CFAP54: variants seen among roughly 807,000 people sequenced by gnomAD.
CFAP54 encodes cilia- and flagella-associated protein 54.
Under a neutral mutation model 370.4 loss-of-function variants are expected in CFAP54, and 290 were observed. The ratio of observed to expected loss-of-function variants is 0.78; its 90% CI spans 0.71 to 0.86. CFAP54 has a LOEUF of 0.86. Among genes scored for constraint, CFAP54 ranks in the 40% least tolerant of loss-of-function variants. CFAP54 has a pLI of 0.00. For missense variants in CFAP54, 3,399 were observed against 3,528.7 expected (o/e 0.96, Z 0.93); for synonymous variants, 1,206 against 1,236.5 (o/e 0.98, Z 0.52).
At chr12:96,703,964 TGGG>T (rs974917143) in intron 46 of CFAP54, among the ~76,000 whole-genome samples, 7 of 152,182 alleles carry the variant, frequency 4.6e-5, no homozygotes, top group African/African-American at 1.7e-4. Flanking sequence ...GGGATAATGA[TGGG>T]GAAGTGGCTC....
intron 35 of CFAP54, 85 bp from the exon 36 acceptor site, chr12:96,651,503 C>T (rs1305169548): frequency 9.4e-7 from 1 of 1,069,070 alleles, no homozygotes; most frequent in Non-Finnish European, 1.4e-6. Context: ...ACTATTGACA[C>T]ATAATATTTG....
intron 66 of CFAP54, among the ~76,000 whole-genome samples, chr12:96,839,848 A>G (rs1959200676): frequency 6.6e-6 from 1 of 152,124 alleles, no homozygotes; most frequent in African/African-American, 2.4e-5. Flanking sequence ...GACTTGGGCC[A>G]TGGTCTGGAA....
intron 63 of CFAP54, among the ~76,000 whole-genome samples, chr12:96,794,429 T>C (rs191600268): frequency 0.01 from 1,413 of 140,738 alleles, 5 homozygotes; most frequent in Non-Finnish European, 0.014. Flanking sequence ...GATGTTGTTC[T>C]TTTTTTATTC....
intron 43 of CFAP54, among the ~76,000 whole-genome samples, chr12:96,690,728 A>C (rs1957379624): frequency 6.6e-6 from 1 of 152,166 alleles, no homozygotes; most frequent in Non-Finnish European, 1.5e-5. Flanking sequence ...GTGTGACTTC[A>C]GATAAGTTGT....
intron 50 of CFAP54, 121 bp from the exon 51 acceptor site, chr12:96,739,835 C>T (rs1410650714): frequency 1.2e-4 from 71 of 591,684 alleles, no homozygotes; most frequent in Non-Finnish European, 1.8e-4. Context: ...TGGCACCTAA[C>T]AGTTTTGGGG....
At chr12:96,819,667 T>C (rs1471994633) in intron 65 of CFAP54, among the ~76,000 whole-genome samples, 2 of 152,228 alleles carry the variant, frequency 1.3e-5, no homozygotes, top group Admixed American at 6.5e-5. Flanking sequence ...TCAAGTAGTG[T>C]ACTATAGTTA....
chr12:96,644,482 C>A, intron 33 of CFAP54, 74 bp downstream of exon 33: 1 of 1,062,230 alleles, frequency 9.4e-7, no homozygotes, highest in East Asian at 2.6e-5. Flanking sequence ...TTCAGAGCTC[C>A]AATGGTGCTA....
At chr12:96,664,693 ATATC>A (rs1400794802) in intron 39 of CFAP54, among the ~76,000 whole-genome samples, 46 of 12,262 alleles carry the variant, frequency 3.8e-3, no homozygotes, top group East Asian at 0.014. Flanking sequence ...CTTTGGGTAT[ATATC>A]TATATATATA....
At chr12:96,835,782 T>C (rs887657042) in intron 66 of CFAP54, among the ~76,000 whole-genome samples, 1 of 152,110 alleles carries the variant, frequency 6.6e-6, no homozygotes, top group African/African-American at 2.4e-5. Context: ...AGCCCTGGTT[T>C]GGGCAGCTGC....
chr12:96,594,937 A>C (rs1260383124), intron 25 of CFAP54, among the ~76,000 whole-genome samples: 1 of 152,172 alleles, frequency 6.6e-6, no homozygotes, highest in African/African-American at 2.4e-5. Context: ...CCATGGATTT[A>C]GTGGCTTGAA....
chr12:96,606,876 G>C (rs1450846982), intron 26 of CFAP54, among the ~76,000 whole-genome samples: 1 of 152,194 alleles, frequency 6.6e-6, no homozygotes, highest in East Asian at 1.9e-4. Context: ...AGAATCCAGT[G>C]ATTCCCTCAA....
chr12:96,724,772 A>T (rs976310460), intron 50 of CFAP54, among the ~76,000 whole-genome samples: 1 of 152,148 alleles, frequency 6.6e-6, no homozygotes, highest in African/African-American at 2.4e-5. Flanking sequence ...CTGAATGGTA[A>T]TGCCTAGGTT....
intron 13 of CFAP54, 73 bp downstream of exon 13, chr12:96,538,591 T>A: frequency 6.9e-7 from 1 of 1,451,262 alleles, no homozygotes; most frequent in East Asian, 2.5e-5. Context: ...ACATTTCAAA[T>A]CTAAATTTTT....
chr12:96,869,755 G>T (rs1960101798), intron 67 of CFAP54, among the ~76,000 whole-genome samples: 1 of 151,676 alleles, frequency 6.6e-6, no homozygotes, highest in South Asian at 2.1e-4. Flanking sequence ...GACCAACATG[G>T]CGAAACCCTG....
At chr12:96,839,202 G>A (rs935238533) in intron 66 of CFAP54, among the ~76,000 whole-genome samples, 2 of 152,120 alleles carry the variant, frequency 1.3e-5, no homozygotes, top group Non-Finnish European at 2.9e-5. Context: ...TAATCTCAAT[G>A]CTTTGATCTC....
chr12:96,841,753 G>T (rs1379925327), intron 66 of CFAP54, among the ~76,000 whole-genome samples: 2 of 152,212 alleles, frequency 1.3e-5, no homozygotes, highest in Non-Finnish European at 2.9e-5. Context: ...AGTCCTGAAA[G>T]ACCTCAGGTC....
At chr12:96,772,366 T>A (rs74852169) in intron 60 of CFAP54, among the ~76,000 whole-genome samples, 3,372 of 152,264 alleles carry the variant, frequency 0.022, 144 homozygotes, top group East Asian at 0.21. Flanking sequence ...AGAATCTGTT[T>A]CCTTGCATTT....
intron 36 of CFAP54, among the ~76,000 whole-genome samples, chr12:96,654,496 G>A (rs1392663928): frequency 1.2e-5 from 1 of 83,044 alleles, no homozygotes; most frequent in African/African-American, 4.3e-5. Context: ...GCGAGACTCC[G>A]TCTCAAAAAA....
intron 67 of CFAP54, among the ~76,000 whole-genome samples, chr12:96,872,420 A>C (rs982535406): frequency 1.4e-4 from 21 of 152,236 alleles, no homozygotes; most frequent in Admixed American, 6.5e-5. Flanking sequence ...GTTCTATTTT[A>C]AATAAAAGAC....
Sources: allele counts gnomAD v4.1 joint callset (sites outside exome capture counted in the v4.1 genomes callset), GRCh38; gene constraint gnomAD v4.1.1; transcripts MANE v1.5; gene names NCBI Gene and HGNC (gene_info 2026-07-23, HGNC 2026-07-21).